Variants in DCLK2 observed in about 807,000 individuals in gnomAD.
DCLK2 encodes serine/threonine-protein kinase DCLK2.
Under a neutral mutation model 78.4 loss-of-function variants are expected in DCLK2, and 31 were observed. The ratio of observed to expected loss-of-function variants is 0.40; its 90% confidence interval spans 0.30 to 0.53. The LOEUF is 0.53. DCLK2 is among the 20% of genes least tolerant of loss of function. DCLK2 has a pLI of 0.61. For missense variants in DCLK2, 872 were observed against 973.7 expected (o/e 0.90, Z 1.39); for synonymous variants, 407 against 374.9 (o/e 1.09, Z -0.99).
At chr4:150,143,668 C>T (rs1424186658) in intron 2 of DCLK2, among the ~76,000 whole-genome samples, 1 of 152,136 alleles carries the variant, frequency 6.6e-6, no homozygotes, top group Non-Finnish European at 1.5e-5. Flanking sequence ...TTTACATTCC[C>T]ACCAACAGTG....
At chr4:150,093,870 A>G (rs1730274605) in intron 1 of DCLK2, among the ~76,000 whole-genome samples, 1 of 152,212 alleles carries the variant, frequency 6.6e-6, no homozygotes, top group African/African-American at 2.4e-5. Flanking sequence ...GACACATGGA[A>G]CAATGTAACA....
At position 150,247,750 on chromosome 4, in the gene DCLK2, C is replaced by G. The variant is rs567996498; in HGVS notation, c.1875+51C>G. On this transcript the variant is annotated intron_variant, in intron 13 of 15. Transcript: ENST00000296550. ...GTTGTATTACGTTGTGGGGTCCTCA[C>G]CCATTGCACAGGGCTGTAGCTGCGC... The G allele has an allele frequency of 6.5e-5, 95 of 1,463,178 alleles. 3 individuals carry two copies. The South Asian group carries it at 1.0e-3, about 16-fold the overall frequency. The allele number at this position is 1,463,178 out of a possible 1,614,324, so 90.6% of individuals were successfully genotyped here.
intron 1 of DCLK2, among the ~76,000 whole-genome samples, chr4:150,097,386 C>T (rs1730542247): frequency 6.6e-6 from 1 of 152,058 alleles, no homozygotes; most frequent in African/African-American, 2.4e-5. Context: ...TGGCCTGGAA[C>T]TCCTGGCCTG....
intron 2 of DCLK2, among the ~76,000 whole-genome samples, chr4:150,134,076 CTTTTTTTTTTTTTT>C (rs768954755): frequency 5.3e-5 from 5 of 94,852 alleles, no homozygotes; most frequent in African/African-American, 2.1e-4. Context: ...CGTATAAACT[CTTTTTTTTTTTTTT>C]TTTTTTTTGA....
At chr4:150,157,248 A>T (rs968088724) in intron 2 of DCLK2, among the ~76,000 whole-genome samples, 3 of 148,974 alleles carry the variant, frequency 2.0e-5, no homozygotes, top group Non-Finnish European at 4.5e-5. Flanking sequence ...AAATCTTTTT[A>T]AAATTTTTTA....
intron 2 of DCLK2, among the ~76,000 whole-genome samples, chr4:150,143,599 A>T (rs1383998968): frequency 6.6e-6 from 1 of 152,210 alleles, no homozygotes; most frequent in African/African-American, 2.4e-5. Context: ...ATAGTAGTAT[A>T]GTTCTGTTTT....
At chr4:150,246,677 A>G (rs545550118) in intron 12 of DCLK2, among the ~76,000 whole-genome samples, 3 of 148,334 alleles carry the variant, frequency 2.0e-5, no homozygotes, top group South Asian at 2.1e-4. Flanking sequence ...GCACCCACCA[A>G]GTGAGGGGGC....
intron 3 of DCLK2, among the ~76,000 whole-genome samples, chr4:150,197,534 G>A (rs1187771853): frequency 6.6e-6 from 1 of 151,960 alleles, no homozygotes; most frequent in Non-Finnish European, 1.5e-5. Context: ...CGGGTGTACC[G>A]CCTGAGGTCA....
Position 150,239,163 on chromosome 4 carries a change from C to A in DCLK2, c.1567-579C>A, listed in dbSNP as rs371024251. On this transcript the variant is annotated intron_variant, in intron 10 of 15. Coordinates refer to ENST00000296550, the MANE Select transcript of DCLK2 (RefSeq NM_001040260.4). Reference sequence around the variant, plus strand: ...ACTCTAACTACTGTGTAAGCAAGCACGTGTGTTCATCGTACTCCTAGGGAA... The same window carrying A: ...ACTCTAACTACTGTGTAAGCAAGCAAGTGTGTTCATCGTACTCCTAGGGAA... Among the ~76,000 whole-genome samples the A allele has an allele frequency of 2.6e-5, 4 of 152,128 alleles. No individual in the cohort carries two copies. The South Asian group carries it at 8.3e-4, about 31-fold the overall frequency.
chr4:150,094,069 T>A lies in DCLK2; in HGVS notation c.422-8409T>A, dbSNP rs1174406521. ...ACATAAAAACCAACTCAAAATAATT[T>A]AAAAATTTAAATATAAGATCTGAAA... On this transcript the variant is annotated intron_variant, in intron 1 of 15. Transcript: ENST00000296550. Among the ~76,000 whole-genome samples the A allele has an allele frequency of 3.9e-5, 6 of 152,218 alleles. No individual in the cohort carries two copies. In the East Asian group the frequency reaches 1.2e-3, roughly 29 times the overall value.
chr4:150,217,313 A>G (rs367743232), intron 5 of DCLK2, among the ~76,000 whole-genome samples: 3 of 152,180 alleles, frequency 2.0e-5, no homozygotes, highest in East Asian at 1.9e-4. Context: ...CTTATATTTA[A>G]CAATAGATGC....
intron 1 of DCLK2, among the ~76,000 whole-genome samples, chr4:150,096,458 G>A (rs532911249): frequency 1.3e-5 from 2 of 152,296 alleles, no homozygotes; most frequent in South Asian, 4.1e-4. Context: ...TCCTCAGAGT[G>A]TAGATGGTGG....
At chr4:150,208,100 C>T (rs1481663669) in intron 5 of DCLK2, among the ~76,000 whole-genome samples, 1 of 152,108 alleles carries the variant, frequency 6.6e-6, no homozygotes, top group African/African-American at 2.4e-5. Context: ...ATACCAAGTA[C>T]AGGGGATTTT....
At position 150,247,514 on chromosome 4, in the gene DCLK2, A is replaced by T. The variant is rs141988491; in HGVS notation, c.1779-89A>T. 2,086 of 1,039,568 alleles carry T rather than the reference A, an allele frequency of 2.0e-3. 8 individuals are homozygous for T. The highest frequency in any genetic ancestry group is 8.2e-3 in the Middle Eastern group (40 of 4,866). The allele number at this position is 1,039,568 out of a possible 1,614,324, so 64.4% of individuals were successfully genotyped here. A position where few individuals can be genotyped will look rare whatever the true frequency, so the allele number is the denominator to read the frequency against. Reference sequence around the variant, plus strand: ...TGCCCAAGTCAAAGCCAGAGACTGGACTCCTTTCCCCGCTCTTCCTGTGGA... The same window carrying T: ...TGCCCAAGTCAAAGCCAGAGACTGGTCTCCTTTCCCCGCTCTTCCTGTGGA... On this transcript the variant is annotated intron_variant, in intron 12 of 15. Transcript: ENST00000296550.
chr4:150,214,106 A>G (rs1024986873), intron 5 of DCLK2, among the ~76,000 whole-genome samples: 3 of 152,238 alleles, frequency 2.0e-5, no homozygotes, highest in African/African-American at 7.2e-5. Flanking sequence ...TCCTTTTCTT[A>G]CAAAGACAAG....
chr4:150,205,259 G>A (rs556223779), intron 5 of DCLK2, among the ~76,000 whole-genome samples: 46 of 152,270 alleles, frequency 3.0e-4, no homozygotes, highest in African/African-American at 1.0e-3. Context: ...TTCTCAGAAC[G>A]TTTTGTTCTC....
At chr4:150,120,938 G>A (rs1732485970) in intron 2 of DCLK2, among the ~76,000 whole-genome samples, 1 of 152,102 alleles carries the variant, frequency 6.6e-6, no homozygotes, top group African/African-American at 2.4e-5. Context: ...AGGCGTGGTG[G>A]CAGGCACCTG....
rs536030470 is a variant in DCLK2 at position 150,138,876 on chromosome 4, G to T, written c.756+36064G>T. Among the ~76,000 whole-genome samples the T allele has an allele frequency of 4.6e-5, 7 of 152,120 alleles. No individual in the cohort carries two copies. The East Asian group carries it at 1.2e-3, about 25-fold the overall frequency. ...AGACAGGGTTTCACCTTGTTAGCCAGGATGGTCTCAATCTCCTGACCTTGT... is the reference window on the plus strand; with the variant it reads ...AGACAGGGTTTCACCTTGTTAGCCATGATGGTCTCAATCTCCTGACCTTGT... On this transcript the variant is annotated intron_variant, in intron 2 of 15. Transcript: ENST00000296550.
Position 150,172,716 on chromosome 4 carries a change from A to G in DCLK2, c.757-20422A>G, listed in dbSNP as rs375783066. Among the ~76,000 whole-genome samples, 6 of 148,184 alleles carry G rather than the reference A, an allele frequency of 4.0e-5. No individual in the cohort carries two copies. In the East Asian group the frequency reaches 8.2e-4, roughly 20 times the overall value. ...AGTTGATAACTTTCTCAAGGCTACT[A>G]AACATGCAGTTCTCCTCACTCTAGA... On this transcript the variant is annotated intron_variant, in intron 2 of 15. Transcript: ENST00000296550.
Sources: gnomAD v4.1 joint callset for allele counts (sites outside exome capture counted in the v4.1 genomes callset) on GRCh38, gnomAD v4.1.1 for gene constraint, MANE v1.5 for transcripts, NCBI Gene and HGNC (gene_info 2026-07-23, HGNC 2026-07-21) for gene names.